Variants in ADGRL3 observed in about 807,000 individuals in gnomAD.
The protein encoded by ADGRL3 is calcium-independent alpha-latrotoxin receptor 3.
A neutral mutation model predicts 153.5 loss-of-function variants in ADGRL3; 62 were observed. The observed-to-expected ratio is 0.40, with a 90% CI of 0.33 to 0.50. The LOEUF (loss-of-function observed/expected upper bound fraction) is 0.50, where lower values mean the gene tolerates loss of function less well. Ranked by LOEUF, ADGRL3 falls within the 20% of genes least tolerant of loss-of-function variation. ADGRL3 has a pLI of 0.47. For missense variants in ADGRL3, 1,641 were observed against 1,859.4 expected, an observed-to-expected ratio of 0.88 and a Z score of 2.16; for synonymous variants, 710 against 672.5, an observed-to-expected ratio of 1.06 and a Z score of -0.86.
At chr4:61,286,696 T>C (rs2093954139) in intron 1 of ADGRL3, among the ~76,000 whole-genome samples, 1 of 151,648 alleles carries the variant, frequency 6.6e-6, no homozygotes, top group Admixed American at 6.6e-5. Context: ...TAGTGGATAG[T>C]TGTAAATTCT....
chr4:61,538,543 G>A (rs925175461), intron 4 of ADGRL3, among the ~76,000 whole-genome samples: 1 of 152,090 alleles, frequency 6.6e-6, no homozygotes, highest in East Asian at 1.9e-4. Flanking sequence ...AGCTTCAAGC[G>A]ATTCTCCTGC....
chr4:61,206,947 C>T (rs991525472), intron 1 of ADGRL3, among the ~76,000 whole-genome samples: 4 of 151,840 alleles, frequency 2.6e-5, no homozygotes, highest in African/African-American at 4.8e-5. Context: ...CGTGTCACTG[C>T]ACTCCAGCCT....
chr4:61,507,312 G>A (rs533205823), intron 3 of ADGRL3, among the ~76,000 whole-genome samples: 6 of 152,264 alleles, frequency 3.9e-5, no homozygotes, highest in Non-Finnish European at 8.8e-5. Context: ...AGTTACAAAA[G>A]CTGGATTGTT....
chr4:62,063,272 G>T (rs1741161824), intron 25 of ADGRL3, among the ~76,000 whole-genome samples: 1 of 151,994 alleles, frequency 6.6e-6, no homozygotes, highest in African/African-American at 2.4e-5. Context: ...AACCTTAAAT[G>T]TAGCTTAATC....
At chr4:61,853,353 T>C (rs1381267445) in intron 9 of ADGRL3, among the ~76,000 whole-genome samples, 1 of 152,166 alleles carries the variant, frequency 6.6e-6, no homozygotes, top group Non-Finnish European at 1.5e-5. Flanking sequence ...AACAAATATG[T>C]TTTTTAGTAT....
chr4:62,026,617 A>G (rs1162078478), intron 21 of ADGRL3, among the ~76,000 whole-genome samples: 2 of 152,100 alleles, frequency 1.3e-5, no homozygotes, highest in African/African-American at 2.4e-5. Flanking sequence ...AAACGTTTTT[A>G]TAGTACAGAG....
intron 8 of ADGRL3, among the ~76,000 whole-genome samples, chr4:61,801,977 A>G (rs1231321204): frequency 1.3e-5 from 2 of 152,100 alleles, no homozygotes; most frequent in Admixed American, 1.3e-4. Context: ...TTTCTATCTG[A>G]AATGTCCAAG....
chr4:62,068,393 G>A (rs948726958), intron 26 of ADGRL3, among the ~76,000 whole-genome samples: 7 of 152,110 alleles, frequency 4.6e-5, no homozygotes, highest in African/African-American at 1.7e-4. Flanking sequence ...AATCAACATA[G>A]TTGTTAAGTT....
At chr4:62,028,736 C>A (rs1199663290) in intron 21 of ADGRL3, 119 bp from the exon 22 acceptor site, 7 of 661,194 alleles carry the variant, frequency 1.1e-5, no homozygotes, top group East Asian at 2.9e-5. Flanking sequence ...ATAATGATTT[C>A]TTTTAGGGAG....
chr4:61,313,577 C>T (rs555641367), intron 1 of ADGRL3, among the ~76,000 whole-genome samples: 2 of 151,960 alleles, frequency 1.3e-5, no homozygotes, highest in Non-Finnish European at 2.9e-5. Flanking sequence ...TGATCTTAAG[C>T]GAAAACAATG....
At chr4:61,274,378 G>T (rs1321962006) in intron 1 of ADGRL3, among the ~76,000 whole-genome samples, 2 of 152,166 alleles carry the variant, frequency 1.3e-5, no homozygotes, top group African/African-American at 4.8e-5. Context: ...GACAAGAAGA[G>T]AAGAAATATG....
chr4:61,971,029 T>G (rs2099025188), intron 17 of ADGRL3, among the ~76,000 whole-genome samples: 1 of 152,150 alleles, frequency 6.6e-6, no homozygotes, highest in Non-Finnish European at 1.5e-5. Context: ...ATGGATATGT[T>G]AGTAGTAAGG....
At chr4:61,393,027 C>T (rs2096831659) in intron 2 of ADGRL3, among the ~76,000 whole-genome samples, 1 of 151,976 alleles carries the variant, frequency 6.6e-6, no homozygotes, top group South Asian at 2.1e-4. Context: ...AGGAAGAACC[C>T]TGGATAAGGT....
chr4:61,605,236 C>G (rs2099027961), intron 5 of ADGRL3, among the ~76,000 whole-genome samples: 1 of 151,370 alleles, frequency 6.6e-6, no homozygotes. Flanking sequence ...AACTATTCTG[C>G]GTTTTGAGGA....
At chr4:61,799,005 A>G (rs1262868660) in intron 8 of ADGRL3, among the ~76,000 whole-genome samples, 1 of 69,340 alleles carries the variant, frequency 1.4e-5, no homozygotes, top group Admixed American at 1.6e-4. Flanking sequence ...AACAGTATAT[A>G]TATATATATA....
At chr4:61,905,610 T>G (rs1292724411) in intron 11 of ADGRL3, among the ~76,000 whole-genome samples, 5 of 151,994 alleles carry the variant, frequency 3.3e-5, no homozygotes, top group Non-Finnish European at 5.9e-5. Context: ...TTCTCGAAAG[T>G]TGGGCCAGGT....
At chr4:61,418,723 A>T (rs2097171264) in intron 2 of ADGRL3, among the ~76,000 whole-genome samples, 1 of 150,812 alleles carries the variant, frequency 6.6e-6, no homozygotes, top group Non-Finnish European at 1.5e-5. Flanking sequence ...AAATAAAATG[A>T]TCTATTCATT....
intron 2 of ADGRL3, among the ~76,000 whole-genome samples, chr4:61,411,060 C>T (rs931607147): frequency 6.6e-6 from 1 of 152,090 alleles, no homozygotes; most frequent in African/African-American, 2.4e-5. Flanking sequence ...GGTATGAAAC[C>T]CCAAGTGTTG....
chr4:61,282,588 A>G (rs1261058442), intron 1 of ADGRL3, among the ~76,000 whole-genome samples: 1 of 151,876 alleles, frequency 6.6e-6, no homozygotes, highest in Non-Finnish European at 1.5e-5. Context: ...GAGTTTTTTT[A>G]GTCATTTTTT....
Sources: gnomAD v4.1 joint callset for allele counts (sites outside exome capture counted in the v4.1 genomes callset) on GRCh38, gnomAD v4.1.1 for gene constraint, MANE v1.5 for transcripts, NCBI Gene and HGNC (gene_info 2026-07-23, HGNC 2026-07-21) for gene names.